Variants in MGMT observed in about 807,000 individuals in gnomAD.
The protein encoded by MGMT is methylated-DNA--protein-cysteine methyltransferase.
In MGMT, 14 loss-of-function variants were observed where a neutral mutation model predicts 15.9. The observed-to-expected ratio is 0.88, with a 90% CI of 0.58 to 1.37. The LOEUF (loss-of-function observed/expected upper bound fraction) is 1.37. Ranked by LOEUF, MGMT falls within the 40% of genes most tolerant of loss-of-function variation. MGMT has a pLI of 0.00. For synonymous variants in MGMT, 130 were observed against 118.2 expected, an observed-to-expected ratio of 1.10 and a Z score of -0.65; for missense variants, 282 against 268.1, an observed-to-expected ratio of 1.05 and a Z score of -0.36.
chr10:129,675,861 C>G (rs556620196), intron 2 of MGMT, among the ~76,000 whole-genome samples: 55 of 152,318 alleles, frequency 3.6e-4, no homozygotes, highest in African/African-American at 1.3e-3. Context: ...TTCCCTGTGG[C>G]AGCCACCACC....
intron 3 of MGMT, among the ~76,000 whole-genome samples, chr10:129,733,915 C>G (rs1848531051): frequency 6.6e-6 from 1 of 152,020 alleles, no homozygotes; most frequent in Non-Finnish European, 1.5e-5. Context: ...TTCCATTGGT[C>G]TATATCTCTG....
At chr10:129,754,143 A>G (rs1848779815) in intron 3 of MGMT, among the ~76,000 whole-genome samples, 1 of 151,462 alleles carries the variant, frequency 6.6e-6, no homozygotes, top group African/African-American at 2.5e-5. Flanking sequence ...ATAGGCGGGG[A>G]AGTAGACAGC....
At chr10:129,606,366 G>T (rs1186080712) in intron 2 of MGMT, among the ~76,000 whole-genome samples, 2 of 152,196 alleles carry the variant, frequency 1.3e-5, no homozygotes, top group Admixed American at 6.5e-5. Flanking sequence ...CACGGTTTGG[G>T]AGGGAGAAGA....
chr10:129,567,276 T>A (rs1846367169), intron 2 of MGMT, among the ~76,000 whole-genome samples: 1 of 152,068 alleles, frequency 6.6e-6, no homozygotes, highest in African/African-American at 2.4e-5. Context: ...AGGGGCATTG[T>A]CTGTTCCAAG....
chr10:129,628,256 G>A (rs1378753587), intron 2 of MGMT, among the ~76,000 whole-genome samples: 2 of 152,170 alleles, frequency 1.3e-5, no homozygotes, highest in East Asian at 1.9e-4. Context: ...TCTGTGGAAT[G>A]AACTAAATGT....
chr10:129,581,950 C>G (rs1179216105), intron 2 of MGMT, among the ~76,000 whole-genome samples: 1 of 152,338 alleles, frequency 6.6e-6, no homozygotes, highest in East Asian at 1.9e-4. Flanking sequence ...TGCTGCCTGG[C>G]CGGCGTCTTG....
Position 129,523,535 on chromosome 10 carries a change from G to A in MGMT, c.-12-12706G>A, listed in dbSNP as rs543123718. Among the ~76,000 whole-genome samples the A allele has an allele frequency of 3.9e-5, 6 of 152,312 alleles. No individual in the cohort carries two copies. In the East Asian group the frequency reaches 7.7e-4, roughly 20 times the overall value. ...AAGAGATTCATAGGCGGGTCTCGAA[G>A]CCCATGCTGCTGGGAGGGCCGGGCT... On this transcript the variant is annotated intron_variant, in intron 1 of 4. Transcript: ENST00000651593.
intron 2 of MGMT, among the ~76,000 whole-genome samples, chr10:129,669,864 G>A (rs957508168): frequency 6.6e-6 from 1 of 152,078 alleles, no homozygotes; most frequent in Admixed American, 6.5e-5. Flanking sequence ...GTTTTGCCTT[G>A]TAACTTTAGG....
At chr10:129,521,736 G>T (rs568196436) in intron 1 of MGMT, among the ~76,000 whole-genome samples, 9 of 152,328 alleles carry the variant, frequency 5.9e-5, no homozygotes, top group African/African-American at 1.9e-4. Flanking sequence ...CAAGAAGTGT[G>T]TGCTGTCCAC....
chr10:129,502,717 CT>C (rs1279256287), intron 1 of MGMT, among the ~76,000 whole-genome samples: 1 of 152,102 alleles, frequency 6.6e-6, no homozygotes, highest in Non-Finnish European at 1.5e-5. Context: ...GTGTAATTAA[CT>C]TAGGGGAAAC....
intron 2 of MGMT, among the ~76,000 whole-genome samples, chr10:129,646,742 A>ATTTTTTTT (rs1363807123): frequency 2.4e-5 from 2 of 83,244 alleles, no homozygotes; most frequent in Non-Finnish European, 5.4e-5. Context: ...ATATATATAT[A>ATTTTTTTT]TATATATATA....
chr10:129,578,789 C>T lies in MGMT; in HGVS notation c.125+42412C>T, dbSNP rs575682500. ...AACTAAAACATTTTCCTTTATTTTTCCTTCCTTACCGCTACCTCTCCCAAG... is the reference window on the plus strand; with the variant it reads ...AACTAAAACATTTTCCTTTATTTTTTCTTCCTTACCGCTACCTCTCCCAAG... On this transcript the variant is annotated intron_variant, in intron 2 of 4. Transcript: ENST00000651593. Among the ~76,000 whole-genome samples, 3 of 152,292 alleles carry T rather than the reference C, an allele frequency of 2.0e-5. No homozygotes were observed. The East Asian group carries it at 5.8e-4, about 29-fold the overall frequency.
rs370376897 is a variant in MGMT at position 129,635,320 on chromosome 10, ACT to A, written c.126-72572_126-72571del. Among the ~76,000 whole-genome samples, 536 of 152,042 alleles carry A rather than the reference ACT, an allele frequency of 3.5e-3. 3 individuals are homozygous for A. Among genetic ancestry groups the A allele is most frequent in the African/African-American group, 0.012 (507 of 41,488 alleles). ...CTGTCCCTCCAGTTCTGTCCTGCAA[ACT>A]CTGCCTGTCCTGGTTTCCGGGCTCA... is the stretch of plus-strand genomic sequence containing the variant. On this transcript the variant is annotated intron_variant, in intron 2 of 4. Transcript: ENST00000651593.
At chr10:129,475,685 C>T (rs1202335596) in intron 1 of MGMT, among the ~76,000 whole-genome samples, 2 of 152,190 alleles carry the variant, frequency 1.3e-5, no homozygotes, top group African/African-American at 4.8e-5. Flanking sequence ...GGCCGTCAGC[C>T]TCCAGCCCAG....
At chr10:129,617,149 G>A (rs757048772) in intron 2 of MGMT, among the ~76,000 whole-genome samples, 28 of 152,104 alleles carry the variant, frequency 1.8e-4, no homozygotes, top group Non-Finnish European at 3.2e-4. Flanking sequence ...AGTAGGCACC[G>A]TTGTCTGCTG....
intron 2 of MGMT, among the ~76,000 whole-genome samples, chr10:129,553,662 G>A (rs879611927): frequency 1.3e-5 from 2 of 152,166 alleles, no homozygotes; most frequent in Non-Finnish European, 2.9e-5. Context: ...TGTCTACTGC[G>A]GGAGACAGAG....
At chr10:129,689,626 C>A (rs1847947906) in intron 2 of MGMT, among the ~76,000 whole-genome samples, 1 of 152,198 alleles carries the variant, frequency 6.6e-6, no homozygotes, top group African/African-American at 2.4e-5. Flanking sequence ...AGTCTTATAG[C>A]TTGTTTTCTT....
intron 2 of MGMT, among the ~76,000 whole-genome samples, chr10:129,548,900 T>A (rs925472899): frequency 2.2e-4 from 33 of 152,322 alleles, no homozygotes; most frequent in African/African-American, 7.7e-4. Context: ...CTGGAAGGCG[T>A]GAAGATGGGC....
chr10:129,565,706 G>A (rs1260722218), intron 2 of MGMT, among the ~76,000 whole-genome samples: 2 of 152,138 alleles, frequency 1.3e-5, no homozygotes. Context: ...ATAGCCACAG[G>A]AGCATCTGAA....
Sources: allele counts gnomAD v4.1 joint callset (sites outside exome capture counted in the v4.1 genomes callset), GRCh38; gene constraint gnomAD v4.1.1; transcripts MANE v1.5; gene names NCBI Gene and HGNC (gene_info 2026-07-23, HGNC 2026-07-21).